Variants in RFXANK observed in about 807,000 individuals in gnomAD.
RFXANK encodes the protein DNA-binding protein RFXANK.
A neutral mutation model predicts 34.5 loss-of-function variants in RFXANK; 19 were observed. The observed-to-expected ratio is 0.55, with a 90% CI of 0.38 to 0.81. The LOEUF (loss-of-function observed/expected upper bound fraction) is 0.81. Ranked by LOEUF, RFXANK falls within the 30% of genes least tolerant of loss-of-function variation. The probability of loss-of-function intolerance (pLI) is 0.00; values close to 1 mark genes in which losing one functional copy is unlikely to be tolerated. For synonymous variants in RFXANK, 154 were observed against 149.8 expected, an observed-to-expected ratio of 1.03 and a Z score of -0.20; for missense variants, 295 against 343.5, an observed-to-expected ratio of 0.86 and a Z score of 1.12.
chr19:19,197,444 C>T lies in RFXANK; in HGVS notation c.338-77C>T. On this transcript the variant is annotated intron_variant, in intron 5 of 9. Coordinates refer to ENST00000303088, the MANE Select transcript of RFXANK (RefSeq NM_003721.4). ...TCCCCTGTCTAACCCCAGCCCCCCACCTCGTCCCCATTTGGCAGCACTGGG... is the reference window on the plus strand; with the variant it reads ...TCCCCTGTCTAACCCCAGCCCCCCATCTCGTCCCCATTTGGCAGCACTGGG... 4 of 1,462,764 alleles carry T rather than the reference C, an allele frequency of 2.7e-6. No homozygotes were observed. The South Asian group carries it at 3.5e-5, about 13-fold the overall frequency. The allele number at this position is 1,462,764 out of a possible 1,614,324, so 90.6% of individuals were successfully genotyped here.
intron 2 of RFXANK, among the ~76,000 whole-genome samples, chr19:19,193,710 T>C (rs2060540581): frequency 6.6e-6 from 1 of 152,066 alleles, no homozygotes; most frequent in Non-Finnish European, 1.5e-5. Flanking sequence ...CACTGTGCCC[T>C]GCCAGAGCCC....
At chr19:19,196,856 C>A in intron 3 of RFXANK, 107 bp from the exon 4 acceptor site, 1 of 1,017,578 alleles carries the variant, frequency 9.8e-7, no homozygotes, top group Non-Finnish European at 1.5e-6. Flanking sequence ...CAGACGGAGA[C>A]TCCATCTCAA....
At chr19:19,201,424 A>G (rs1382852081) in intron 9 of RFXANK, 37 of 1,480,630 alleles carry the variant, frequency 2.5e-5, no homozygotes, top group Non-Finnish European at 3.3e-5. Context: ...CTTGGTAGGA[A>G]ATATTTTTAT....
chr19:19,197,782 G>C (rs2060628034), intron 6 of RFXANK, 161 bp downstream of exon 6: 4 of 708,240 alleles, frequency 5.6e-6, no homozygotes, highest in African/African-American at 1.8e-5. Flanking sequence ...GCCGAGGCGG[G>C]TGGATCACTT....
chr19:19,198,659 T>C lies in RFXANK; in HGVS notation c.567T>C (p.Asn189=), dbSNP rs758267512. The change falls in exon 8 of 10, where the codon AAT becomes AAC. Residue 189 remains asparagine (N), a splice_region_variant and synonymous_variant. Transcript: ENST00000303088. ...RDVDINIYDW[N]GGTPLLYAVR... ...TCTCCTGCCCCTACCCACGACAGAA[T>C]GGAGGGACGCCACTGCTGTACGCTG... is the stretch of plus-strand genomic sequence containing the variant. 7 of 1,613,540 alleles carry C rather than the reference T, an allele frequency of 4.3e-6. No individual in the cohort carries two copies. Among genetic ancestry groups the C allele is most frequent in the South Asian group, 2.2e-5 (2 of 91,084 alleles).
intron 9 of RFXANK, 97 bp from the exon 10 acceptor site, chr19:19,201,552 C>A: frequency 1.2e-6 from 2 of 1,606,748 alleles, no homozygotes; most frequent in Non-Finnish European, 1.7e-6. Flanking sequence ...TGCAAGGGTC[C>A]CTGTTTGTCC....
At chr19:19,197,798 C>T (rs1045946279) in intron 6 of RFXANK, 177 bp downstream of exon 6, 1 of 673,890 alleles carries the variant, frequency 1.5e-6, no homozygotes, top group Non-Finnish European at 2.5e-6. Flanking sequence ...CACTTGAGGT[C>T]AGGAGTTCAA....
At chr19:19,197,353 A>G (rs2146486499) in intron 5 of RFXANK, 102 bp downstream of exon 5, 1 of 1,298,080 alleles carries the variant, frequency 7.7e-7, no homozygotes, top group Non-Finnish European at 1.1e-6. Context: ...GTCCACGTGT[A>G]TGATTGTATC....
At chr19:19,195,205 G>GTT (rs200720955) in intron 3 of RFXANK, among the ~76,000 whole-genome samples, 11 of 117,844 alleles carry the variant, frequency 9.3e-5, no homozygotes, top group East Asian at 2.5e-4. Flanking sequence ...ACTACAGTCC[G>GTT]TTTTTTTTTT....
chr19:19,198,587 GA>G, intron 7 of RFXANK, 69 bp from the exon 8 acceptor site: 3 of 1,559,900 alleles, frequency 1.9e-6, no homozygotes, highest in Non-Finnish European at 2.6e-6. Flanking sequence ...CTGGAGGCCA[GA>G]GAGTACAAGG....
At chr19:19,201,218 G>A (rs1469372318) in intron 9 of RFXANK, among the ~76,000 whole-genome samples, 2 of 152,148 alleles carry the variant, frequency 1.3e-5, no homozygotes, top group Admixed American at 6.6e-5. Flanking sequence ...AGGATTACAG[G>A]TGTGAGCCAC....
Position 19,197,679 on chromosome 19 carries a change from G to C in RFXANK, c.438+58G>C. On this transcript the variant is annotated intron_variant, in intron 6 of 9. Transcript: ENST00000303088. Reference sequence around the variant, plus strand: ...TTCCCGGGGGCCTTAGGGTGGGCTGGGGTTTTGGCTGTGTCTGCTGGCGCC... The same window carrying C: ...TTCCCGGGGGCCTTAGGGTGGGCTGCGGTTTTGGCTGTGTCTGCTGGCGCC... The C allele has an allele frequency of 2.7e-6, 4 of 1,505,400 alleles. No individual in the cohort carries two copies. In the Admixed American group the frequency reaches 5.3e-5, roughly 20 times the overall value. The allele number at this position is 1,505,400 out of a possible 1,614,324, so 93.3% of individuals were successfully genotyped here. A position where few individuals can be genotyped will look rare whatever the true frequency, so the allele number is the denominator to read the frequency against.
Position 19,197,241 on chromosome 19 carries a change from T to C in RFXANK, c.327T>C (p.His109=). 1 of 1,612,986 alleles carries C rather than the reference T, an allele frequency of 6.2e-7. No individual in the cohort carries two copies. Among genetic ancestry groups the C allele is most frequent in the Non-Finnish European group, 8.5e-7 (1 of 1,180,002 alleles). Residue 109 remains histidine (H), a synonymous_variant, in exon 5 of 10, where the codon CAT becomes CAC. Transcript: ENST00000303088. ...GGGAGCTGGACCAGCTGAAGGAGCA[T>C]TTGCGGAAAGGTGCGTGTCCACACA... ...AQGELDQLKE[H]LRKGDNLVNK...
rs886054309 is a variant in RFXANK, at chr19:19,198,182, A to C, written c.514A>C (p.Ile172Leu). ...SLASTGGYTDIVGLLLERDVD... is the reference protein window; with the variant it reads ...SLASTGGYTDLVGLLLERDVD... ...GGCCAGCACAGGCGGCTACACAGAC[A>C]TTGTGGGGCTGCTGCTGGAGCGTGA... is the stretch of plus-strand genomic sequence containing the variant. Residue 172 changes from isoleucine (I) to leucine (L), a missense_variant, in exon 7 of 10, where the codon ATT (isoleucine) becomes CTT (leucine). Transcript: ENST00000303088. The C allele has an allele frequency of 6.2e-7, 1 of 1,614,130 alleles. No homozygotes were observed. The highest frequency in any genetic ancestry group is 1.3e-5 in the African/African-American group (1 of 75,038).
chr19:19,200,119 C>T (rs560669825), intron 9 of RFXANK, among the ~76,000 whole-genome samples: 8 of 151,338 alleles, frequency 5.3e-5, no homozygotes, highest in East Asian at 1.9e-4. Flanking sequence ...CACAGCCTCC[C>T]GAGTAGCTGG....
In RFXANK at chr19:19,193,962, C is replaced by G. The variant is rs746728542; in HGVS notation, c.16C>G (p.Pro6Ala). The change falls in exon 3 of 10, where the codon CCT (proline) becomes GCT (alanine). Residue 6 changes from proline (P) to alanine (A), a missense_variant. Physicochemically the swap from Pro to Ala is conservative, Grantham distance 27. Coordinates refer to ENST00000303088, the MANE Select transcript of RFXANK (RefSeq NM_003721.4). ...AGCTTTCCCCATGGAGCTTACCCAG[C>G]CTGCAGAAGACCTCATCCAGACCCA... MELTQ[P>A]AEDLIQTQQT... 2.5e-6 allele frequency: 4 copies of G among 1,614,218 alleles called. No individual in the cohort carries two copies. In the South Asian group the frequency reaches 4.4e-5, roughly 18 times the overall value.
intron 5 of RFXANK, 44 bp downstream of exon 5, chr19:19,197,295 G>C: frequency 6.2e-7 from 1 of 1,600,480 alleles, no homozygotes; most frequent in Non-Finnish European, 8.5e-7. Flanking sequence ...CACCTGGCTG[G>C]TGTGTGCATA....
chr19:19,198,266 C>A (rs1308886777), intron 7 of RFXANK, 34 bp downstream of exon 7: 4 of 1,613,626 alleles, frequency 2.5e-6, no homozygotes, highest in East Asian at 2.2e-5. Flanking sequence ...ACCTCTCAGC[C>A]TCCTGGCCTT....
intron 9 of RFXANK, among the ~76,000 whole-genome samples, chr19:19,200,602 C>G (rs2060691778): frequency 2.6e-5 from 4 of 151,714 alleles, no homozygotes; most frequent in African/African-American, 9.7e-5. Context: ...ATGTACCACT[C>G]TACCCAGCTA....
Sources: gnomAD v4.1 joint callset for allele counts (sites outside exome capture counted in the v4.1 genomes callset) on GRCh38, gnomAD v4.1.1 for gene constraint, MANE v1.5 for transcripts, NCBI Gene and HGNC (gene_info 2026-07-23, HGNC 2026-07-21) for gene names.